Variants in SORCS2 observed in about 807,000 individuals in gnomAD.
The protein encoded by SORCS2 is sortilin related VPS10 domain containing receptor 2, also known as VPS10 domain-containing receptor SorCS2.
A neutral mutation model predicts 141.6 loss-of-function variants in SORCS2; 100 were observed. The observed-to-expected ratio is 0.71, with a 90% CI of 0.60 to 0.83. SORCS2 has a LOEUF of 0.83. SORCS2 is among the 40% of genes least tolerant of loss of function. The pLI, the probability that SORCS2 is intolerant of heterozygous loss-of-function variation, is 0.00. For synonymous variants in SORCS2, 789 were observed against 676.9 expected (o/e 1.17, Z -2.57); for missense variants, 1,646 against 1,560.2 (o/e 1.05, Z -0.93).
intron 2 of SORCS2, among the ~76,000 whole-genome samples, chr4:7,482,163 C>CT (rs751480098): frequency 2.0e-5 from 1 of 50,176 alleles, no homozygotes. Flanking sequence ...ACACCCCTGA[C>CT]GCTGTTCAGA....
At chr4:7,445,883 C>G (rs1300722553) in intron 2 of SORCS2, among the ~76,000 whole-genome samples, 2 of 152,194 alleles carry the variant, frequency 1.3e-5, no homozygotes, top group African/African-American at 4.8e-5. Context: ...AGCATCCCCA[C>G]TGGCCCTGAG....
intron 2 of SORCS2, among the ~76,000 whole-genome samples, chr4:7,401,844 G>A (rs1337334201): frequency 1.3e-5 from 2 of 149,700 alleles, no homozygotes; most frequent in Non-Finnish European, 3.0e-5. Flanking sequence ...GAATGACTTG[G>A]TTGAATCCTC....
At chr4:7,637,981 T>A (rs1720379117) in intron 3 of SORCS2, among the ~76,000 whole-genome samples, 1 of 151,856 alleles carries the variant, frequency 6.6e-6, no homozygotes, top group Admixed American at 6.6e-5. Flanking sequence ...AACAGACGAA[T>A]GAGTGAATAG....
At chr4:7,206,476 C>T (rs1727747545) in intron 1 of SORCS2, among the ~76,000 whole-genome samples, 1 of 152,154 alleles carries the variant, frequency 6.6e-6, no homozygotes, top group South Asian at 2.1e-4. Context: ...GCTCCCTGGC[C>T]CACTGCCGGC....
At chr4:7,402,414 T>C (rs1651513063) in intron 2 of SORCS2, among the ~76,000 whole-genome samples, 1 of 152,256 alleles carries the variant, frequency 6.6e-6, no homozygotes, top group African/African-American at 2.4e-5. Context: ...GCAATCAATA[T>C]GTTCTGCTGC....
chr4:7,432,489 T>A (rs1278595791), intron 2 of SORCS2: 1 of 152,116 alleles, frequency 6.6e-6, no homozygotes, highest in Non-Finnish European at 1.5e-5. Context: ...GAGGGCTGTG[T>A]TCACCGTCTT....
chr4:7,511,371 G>T (rs1412843940), intron 2 of SORCS2, among the ~76,000 whole-genome samples: 1 of 87,718 alleles, frequency 1.1e-5, no homozygotes, highest in African/African-American at 3.0e-5. Flanking sequence ...GAGAGTGAGA[G>T]GTACACACAA....
intron 3 of SORCS2, among the ~76,000 whole-genome samples, chr4:7,624,906 TGGA>T (rs1719426215): frequency 6.6e-6 from 1 of 152,218 alleles, no homozygotes; most frequent in East Asian, 1.9e-4. Context: ...TCAGTGATCA[TGGA>T]GGAGGAGGAC....
intron 8 of SORCS2, among the ~76,000 whole-genome samples, chr4:7,667,610 G>A (rs1722578528): frequency 6.6e-6 from 1 of 152,168 alleles, no homozygotes; most frequent in Admixed American, 6.5e-5. Flanking sequence ...TCCCTCCAGT[G>A]TCCATCTCCT....
intron 3 of SORCS2, among the ~76,000 whole-genome samples, chr4:7,628,741 G>A (rs562542388): frequency 1.8e-4 from 28 of 152,180 alleles, no homozygotes; most frequent in African/African-American, 5.8e-4. Flanking sequence ...GGCTTCCCGC[G>A]GTGGGAGCTG....
chr4:7,679,749 CTTTTTTT>C (rs55936772), intron 9 of SORCS2, among the ~76,000 whole-genome samples: 3 of 141,286 alleles, frequency 2.1e-5, no homozygotes, highest in African/African-American at 2.6e-5. Context: ...ACTTGTGGGA[CTTTTTTT>C]TTTTTTTTTT....
At chr4:7,218,215 C>A (rs1728489925) in intron 1 of SORCS2, among the ~76,000 whole-genome samples, 1 of 152,202 alleles carries the variant, frequency 6.6e-6, no homozygotes, top group Non-Finnish European at 1.5e-5. Flanking sequence ...GTAGATCCTG[C>A]ATTCCTCACT....
intron 1 of SORCS2, among the ~76,000 whole-genome samples, chr4:7,263,474 C>G (rs1714505911): frequency 6.6e-6 from 1 of 152,210 alleles, no homozygotes; most frequent in African/African-American, 2.4e-5. Flanking sequence ...CATCGTCTGC[C>G]TCATTGTCCT....
chr4:7,278,126 C>T (rs1311336635), intron 1 of SORCS2, among the ~76,000 whole-genome samples: 1 of 152,186 alleles, frequency 6.6e-6, no homozygotes, highest in African/African-American at 2.4e-5. Flanking sequence ...CTCCCCGGTG[C>T]CCTCTTATTC....
At chr4:7,378,507 C>A (rs922139042) in intron 1 of SORCS2, among the ~76,000 whole-genome samples, 1 of 152,162 alleles carries the variant, frequency 6.6e-6, no homozygotes, top group Non-Finnish European at 1.5e-5. Flanking sequence ...GGGGGAAGCC[C>A]TTTATAAAAC....
chr4:7,700,457 C>A (rs1724988921), intron 12 of SORCS2, among the ~76,000 whole-genome samples: 1 of 152,166 alleles, frequency 6.6e-6, no homozygotes, highest in Non-Finnish European at 1.5e-5. Context: ...GCATCCCCAA[C>A]AGAGAGGACC....
At chr4:7,270,413 G>C (rs1164301433) in intron 1 of SORCS2, among the ~76,000 whole-genome samples, 1 of 152,264 alleles carries the variant, frequency 6.6e-6, no homozygotes, top group Non-Finnish European at 1.5e-5. Context: ...GAAGCCACCT[G>C]TGCTGGCCTT....
intron 3 of SORCS2, among the ~76,000 whole-genome samples, chr4:7,562,139 A>G (rs1714636002): frequency 6.6e-6 from 1 of 152,234 alleles, no homozygotes; most frequent in Non-Finnish European, 1.5e-5. Flanking sequence ...TCGATTGATT[A>G]TAATTCATTA....
intron 9 of SORCS2, among the ~76,000 whole-genome samples, chr4:7,679,229 G>A (rs1267982546): frequency 6.6e-6 from 1 of 152,184 alleles, no homozygotes; most frequent in Admixed American, 6.5e-5. Flanking sequence ...AGGCAAGACA[G>A]CAAACATTTC....
Sources: allele counts gnomAD v4.1 joint callset (sites outside exome capture counted in the v4.1 genomes callset), GRCh38; gene constraint gnomAD v4.1.1; transcripts MANE v1.5; gene names NCBI Gene and HGNC (gene_info 2026-07-23, HGNC 2026-07-21).